GIGYF2: variants seen among roughly 807,000 people sequenced by gnomAD.
GIGYF2 encodes the protein GRB10-interacting GYF protein 2.
In GIGYF2, 25 loss-of-function variants were observed where a neutral mutation model predicts 208.1. That is an observed-to-expected ratio of 0.12 (90% CI 0.09 to 0.17). The LOEUF is 0.17. GIGYF2 is among the 10% of genes least tolerant of loss of function. GIGYF2 has a pLI of 1.00. For synonymous variants in GIGYF2, 534 were observed against 543.8 expected, an observed-to-expected ratio of 0.98 and a Z score of 0.25; for missense variants, 1,302 against 1,579.4, an observed-to-expected ratio of 0.82 and a Z score of 2.98.
chr2:232,813,919 G>C (rs1700822772), intron 18 of GIGYF2, among the ~76,000 whole-genome samples: 1 of 116,484 alleles, frequency 8.6e-6, no homozygotes, highest in South Asian at 2.9e-4. Context: ...ACAGAGTCTT[G>C]CCGTGTTGCT....
intron 22 of GIGYF2, among the ~76,000 whole-genome samples, chr2:232,834,662 C>T (rs1701525699): frequency 6.6e-6 from 1 of 152,168 alleles, no homozygotes; most frequent in Non-Finnish European, 1.5e-5. Flanking sequence ...CCTTCAGGCA[C>T]TTGAGTGATG....
intron 19 of GIGYF2, 71 bp from the exon 20 acceptor site, chr2:232,816,800 A>T: frequency 1.8e-6 from 2 of 1,132,764 alleles, no homozygotes; most frequent in Non-Finnish European, 2.7e-6. Context: ...AACGAATACT[A>T]CTGGTCAGTG....
At chr2:232,827,078 C>T (rs1242634188) in intron 21 of GIGYF2, among the ~76,000 whole-genome samples, 1 of 152,138 alleles carries the variant, frequency 6.6e-6, no homozygotes. Context: ...CAGTGCCTGG[C>T]CTCAAAGCCT....
intron 2 of GIGYF2, among the ~76,000 whole-genome samples, chr2:232,715,668 T>A (rs1696644595): frequency 6.6e-6 from 1 of 152,104 alleles, no homozygotes; most frequent in African/African-American, 2.4e-5. Flanking sequence ...CTTCATGAAG[T>A]TTTGTCATCA....
intron 2 of GIGYF2, among the ~76,000 whole-genome samples, chr2:232,724,934 A>G (rs1347001056): frequency 6.6e-6 from 1 of 152,224 alleles, no homozygotes; most frequent in Non-Finnish European, 1.5e-5. Flanking sequence ...TAGAAACTTA[A>G]TAGGAAAAGA....
chr2:232,765,102 C>T (rs2106330266), intron 8 of GIGYF2, among the ~76,000 whole-genome samples: 1 of 152,206 alleles, frequency 6.6e-6, no homozygotes, highest in East Asian at 1.9e-4. Flanking sequence ...TCTAATATGT[C>T]ATAGTCACTT....
At chr2:232,746,646 G>T (rs1389493485) in intron 3 of GIGYF2, among the ~76,000 whole-genome samples, 2 of 151,972 alleles carry the variant, frequency 1.3e-5, no homozygotes, top group African/African-American at 4.8e-5. Flanking sequence ...CCCAAGTTCT[G>T]TTCTTTAGAG....
At chr2:232,725,583 A>G (rs949274359) in intron 2 of GIGYF2, among the ~76,000 whole-genome samples, 29 of 152,236 alleles carry the variant, frequency 1.9e-4, no homozygotes, top group Admixed American at 1.7e-3. Flanking sequence ...TAGTAAGCAC[A>G]TAGTTAGCTC....
At chr2:232,797,333 G>T (rs1353816670) in intron 14 of GIGYF2, among the ~76,000 whole-genome samples, 2 of 152,074 alleles carry the variant, frequency 1.3e-5, no homozygotes, top group Admixed American at 6.6e-5. Flanking sequence ...GCATTTTACT[G>T]TGTGCCCACC....
intron 28 of GIGYF2, among the ~76,000 whole-genome samples, chr2:232,850,688 G>T (rs1258862636): frequency 6.6e-6 from 1 of 152,092 alleles, no homozygotes; most frequent in Non-Finnish European, 1.5e-5. Flanking sequence ...TTTCCCTGGA[G>T]GATCCTGAGT....
chr2:232,711,705 G>A (rs867866788), intron 2 of GIGYF2, among the ~76,000 whole-genome samples: 32 of 115,726 alleles, frequency 2.8e-4, no homozygotes, highest in Middle Eastern at 4.8e-3. Context: ...TCACAATGAT[G>A]TATATATATA....
At chr2:232,786,457 C>T (rs1404405182) in intron 8 of GIGYF2, among the ~76,000 whole-genome samples, 1 of 152,106 alleles carries the variant, frequency 6.6e-6, no homozygotes, top group East Asian at 1.9e-4. Flanking sequence ...AGGCTGGTCT[C>T]CCAACTCCTG....
At position 232,844,185 on chromosome 2, in the gene GIGYF2, C is replaced by T; in HGVS notation, c.3029C>T (p.Ala1010Val). ...KSLLEIQQEE[A>V]RQMQKQQQQQ... ...CTTCTGGAGATCCAGCAGGAAGAGG[C>T]CAGGCAAATGCAAAAGCAGCAGCAG... The change falls in exon 24 of 29, where the codon GCC becomes GTC. Residue 1010 changes from alanine (A) to valine (V), a missense_variant. Physicochemically the swap from Ala to Val is moderately conservative, Grantham distance 64. Coordinates refer to ENST00000373563, the MANE Select transcript of GIGYF2 (RefSeq NM_001103146.3). 2 of 1,561,694 alleles carry T rather than the reference C, an allele frequency of 1.3e-6. No homozygotes were observed. The highest frequency in any genetic ancestry group is 1.7e-6 in the Non-Finnish European group (2 of 1,151,676).
At chr2:232,839,812 T>G (rs1485803204) in intron 22 of GIGYF2, 37 bp from the exon 23 acceptor site, 2 of 1,612,312 alleles carry the variant, frequency 1.2e-6, no homozygotes, top group South Asian at 1.1e-5. Flanking sequence ...CTGTCCACAT[T>G]TCCTCATGAA....
At chr2:232,735,625 T>C (rs1697700800) in intron 3 of GIGYF2, 3 of 693,848 alleles carry the variant, frequency 4.3e-6, no homozygotes, top group Non-Finnish European at 1.8e-6. Context: ...ATTTGAGAAA[T>C]AGTTTTCATT....
chr2:232,791,952 G>T (rs1418033436), intron 12 of GIGYF2, among the ~76,000 whole-genome samples: 1 of 152,130 alleles, frequency 6.6e-6, no homozygotes, highest in Non-Finnish European at 1.5e-5. Flanking sequence ...ACTTTATTAG[G>T]CAATATTAAT....
chr2:232,778,622 A>G (rs867984993), intron 8 of GIGYF2, among the ~76,000 whole-genome samples: 4 of 152,302 alleles, frequency 2.6e-5, no homozygotes, highest in African/African-American at 7.2e-5. Context: ...CTATAATATA[A>G]AGCAACAGTA....
In GIGYF2 at chr2:232,817,052, G is replaced by A. The variant is rs1700937438; in HGVS notation, c.2370+20G>A. ...AAACAGGTATGTATCTGGGAACTCTGACCATAGGATTAGTGCTTGATGAGG... is the reference window on the plus strand; with the variant it reads ...AAACAGGTATGTATCTGGGAACTCTAACCATAGGATTAGTGCTTGATGAGG... On this transcript the variant is annotated intron_variant, in intron 20 of 28. Coordinates refer to ENST00000373563, the MANE Select transcript of GIGYF2 (RefSeq NM_001103146.3). 1 of 1,584,308 alleles carries A rather than the reference G, an allele frequency of 6.3e-7. No homozygotes were observed. The highest frequency in any genetic ancestry group is 2.2e-5 in the East Asian group (1 of 44,738).
chr2:232,705,148 C>G (rs572589225), intron 2 of GIGYF2, among the ~76,000 whole-genome samples: 1 of 151,964 alleles, frequency 6.6e-6, no homozygotes, highest in Admixed American at 6.6e-5. Context: ...CGTGAGCCAC[C>G]GCGCCCGGCC....
Sources: gnomAD v4.1 joint callset for allele counts (sites outside exome capture counted in the v4.1 genomes callset) on GRCh38, gnomAD v4.1.1 for gene constraint, MANE v1.5 for transcripts, NCBI Gene and HGNC (gene_info 2026-07-23, HGNC 2026-07-21) for gene names.